Variants in PDE10A observed in about 807,000 individuals in gnomAD.
The protein encoded by PDE10A is cAMP and cAMP-inhibited cGMP 3',5'-cyclic phosphodiesterase 10A.
PDE10A carries 39 observed loss-of-function variants against 97.7 expected under a neutral mutation model. The ratio of observed to expected loss-of-function variants is 0.40; its 90% CI spans 0.31 to 0.52. The LOEUF (loss-of-function observed/expected upper bound fraction) is 0.52. Among genes scored for constraint, PDE10A ranks in the 20% least tolerant of loss-of-function variants. The probability of loss-of-function intolerance (pLI) is 0.56; values close to 1 mark genes in which losing one functional copy is unlikely to be tolerated. For synonymous variants in PDE10A, 371 were observed against 376.8 expected, an observed-to-expected ratio of 0.98 and a Z score of 0.18; for missense variants, 731 against 1,047.8, an observed-to-expected ratio of 0.70 and a Z score of 4.17.
intron 1 of PDE10A, among the ~76,000 whole-genome samples, chr6:165,727,709 G>C (rs1792334220): frequency 6.6e-6 from 1 of 152,150 alleles, no homozygotes; most frequent in Non-Finnish European, 1.5e-5. Context: ...TAAGTCATTG[G>C]CTTTCTTGTC....
intron 1 of PDE10A, among the ~76,000 whole-genome samples, chr6:165,930,387 G>A (rs1471586131): frequency 6.6e-6 from 1 of 152,154 alleles, no homozygotes; most frequent in East Asian, 1.9e-4. Flanking sequence ...CAGGCAGGAA[G>A]GAAACACTTG....
intron 1 of PDE10A, among the ~76,000 whole-genome samples, chr6:165,962,141 C>G (rs1784380441): frequency 6.6e-6 from 1 of 152,218 alleles, no homozygotes; most frequent in Non-Finnish European, 1.5e-5. Flanking sequence ...TTTATTTGCC[C>G]CCACGGGCAA....
chr6:165,861,715 T>C (rs1197344393), intron 1 of PDE10A, among the ~76,000 whole-genome samples: 3 of 151,884 alleles, frequency 2.0e-5, no homozygotes, highest in African/African-American at 4.8e-5. Flanking sequence ...GAGTGACGGG[T>C]TGGCATGGGA....
intron 11 of PDE10A, among the ~76,000 whole-genome samples, chr6:165,417,817 G>A (rs182029279): frequency 2.0e-5 from 3 of 152,240 alleles, no homozygotes; most frequent in Admixed American, 6.5e-5. Context: ...ATGATAGAAC[G>A]CCCAAATAAA....
rs544609505 is a variant in PDE10A at position 165,417,741 on chromosome 6, G to A, written c.1796+894C>T. 2.0e-5 allele frequency among the ~76,000 whole-genome samples: 3 copies of A among 152,218 alleles called. No homozygotes were observed. In the South Asian group the frequency reaches 6.2e-4, roughly 32 times the overall value. On this transcript the variant is annotated intron_variant, in intron 11 of 21. Coordinates refer to ENST00000539869, the MANE Select transcript of PDE10A (RefSeq NM_001385079.1). Reference sequence around the variant, plus strand: ...CATGGAATACACAGGAAGCGCTGAGGGGCAGACAGTGGTGGGGCCCCACGG... The same window carrying A: ...CATGGAATACACAGGAAGCGCTGAGAGGCAGACAGTGGTGGGGCCCCACGG...
rs1237460423 is a variant in PDE10A at position 165,958,545 on chromosome 6, GAA to G, written c.-615+28982_-615+28983del. Among the ~76,000 whole-genome samples, 58 of 46,412 alleles carry G rather than the reference GAA, an allele frequency of 1.2e-3. 3 individuals carry two copies. The highest frequency in any genetic ancestry group is 6.3e-3 in the Admixed American group (21 of 3,356). 30.4% of individuals were successfully genotyped at this position (46,412 alleles called of 152,430 possible). ...AGAAAGAAAGAAAGAAAGAAAGAAA[GAA>G]AGAAAGAAAGAAAGAAAGACAGACA... is the stretch of plus-strand genomic sequence containing the variant. On this transcript the variant is annotated intron_variant, in intron 1 of 19. Transcript: ENST00000366882.
At chr6:165,843,396 A>C (rs1311322462) in intron 1 of PDE10A, among the ~76,000 whole-genome samples, 1 of 152,230 alleles carries the variant, frequency 6.6e-6, no homozygotes, top group Admixed American at 6.5e-5. Context: ...GGAGTGGCTT[A>C]GTCCATCACC....
At chr6:165,608,052 G>GTA (rs1413230016) in intron 1 of PDE10A, among the ~76,000 whole-genome samples, 5 of 146,986 alleles carry the variant, frequency 3.4e-5, no homozygotes, top group Admixed American at 6.8e-5. Context: ...TGCTTTTCTT[G>GTA]TATATATATG....
chr6:165,390,638 G>A (rs1785640755), intron 16 of PDE10A, among the ~76,000 whole-genome samples: 1 of 152,128 alleles, frequency 6.6e-6, no homozygotes, highest in Non-Finnish European at 1.5e-5. Flanking sequence ...AAAGCAGAAG[G>A]GTCAGCTCTG....
At chr6:165,487,663 C>T (rs1365314231) in intron 2 of PDE10A, among the ~76,000 whole-genome samples, 1 of 152,114 alleles carries the variant, frequency 6.6e-6, no homozygotes, top group South Asian at 2.1e-4. Context: ...AGGTGCCTAA[C>T]TTCTGCCACC....
intron 1 of PDE10A, among the ~76,000 whole-genome samples, chr6:165,935,108 G>A (rs1465676693): frequency 6.6e-6 from 1 of 152,210 alleles, no homozygotes; most frequent in Non-Finnish European, 1.5e-5. Flanking sequence ...ACCAGCAAGT[G>A]TAATACAGTA....
intron 1 of PDE10A, among the ~76,000 whole-genome samples, chr6:165,579,688 T>C (rs906173907): frequency 1.3e-5 from 2 of 152,136 alleles, no homozygotes; most frequent in African/African-American, 4.8e-5. Context: ...ATAAACTAGA[T>C]CATGTTGCTG....
chr6:165,692,435 G>A (rs935218562), intron 1 of PDE10A, among the ~76,000 whole-genome samples: 6 of 152,102 alleles, frequency 3.9e-5, no homozygotes, highest in Non-Finnish European at 5.9e-5. Context: ...TCATCATTTG[G>A]TCACTACCGG....
At chr6:165,631,667 A>G (rs912929927) in intron 1 of PDE10A, among the ~76,000 whole-genome samples, 17 of 152,244 alleles carry the variant, frequency 1.1e-4, no homozygotes, top group African/African-American at 3.6e-4. Context: ...ATGGATAAAT[A>G]ACATCATTAT....
At chr6:165,800,075 C>A (rs762086233) in intron 1 of PDE10A, among the ~76,000 whole-genome samples, 1 of 152,174 alleles carries the variant, frequency 6.6e-6, no homozygotes, top group Non-Finnish European at 1.5e-5. Context: ...CAGTGAGACC[C>A]GTGGCACCTT....
intron 2 of PDE10A, among the ~76,000 whole-genome samples, chr6:165,499,401 G>C (rs1031078789): frequency 1.3e-5 from 2 of 152,146 alleles, no homozygotes; most frequent in African/African-American, 2.4e-5. Context: ...CAAATGCTTA[G>C]AGCCCTTGAG....
chr6:165,765,094 A>C (rs1007138028), intron 1 of PDE10A, among the ~76,000 whole-genome samples: 10 of 152,316 alleles, frequency 6.6e-5, no homozygotes, highest in African/African-American at 2.4e-4. Flanking sequence ...AGCTAGACAC[A>C]GGGTGCTGAT....
chr6:165,357,121 T>C (rs1783077078), intron 18 of PDE10A, among the ~76,000 whole-genome samples: 1 of 152,208 alleles, frequency 6.6e-6, no homozygotes, highest in South Asian at 2.1e-4. Flanking sequence ...AGATGCTTTT[T>C]CTACATCTAT....
chr6:165,553,003 T>C (rs1467926963), intron 1 of PDE10A, among the ~76,000 whole-genome samples: 1 of 152,168 alleles, frequency 6.6e-6, no homozygotes, highest in Non-Finnish European at 1.5e-5. Context: ...CCTCCACTCA[T>C]AGCCTGCTGT....
Sources: gnomAD v4.1 joint callset for allele counts (sites outside exome capture counted in the v4.1 genomes callset) on GRCh38, gnomAD v4.1.1 for gene constraint, MANE v1.5 for transcripts, NCBI Gene and HGNC (gene_info 2026-07-23, HGNC 2026-07-21) for gene names.